The following ATRNL1 variants were observed in gnomAD, a reference collection of about 807,000 sequenced individuals.
ATRNL1 encodes attractin like 1, also known as attractin-like protein 1.
In ATRNL1, 95 loss-of-function variants were observed where a neutral mutation model predicts 182.7. That is an observed-to-expected ratio of 0.52 (90% CI 0.44 to 0.62). ATRNL1 has a LOEUF of 0.62. Among genes scored for constraint, ATRNL1 ranks in the 20% least tolerant of loss-of-function variants. The pLI is 0.00. For missense variants in ATRNL1, 1,471 were observed against 1,679.5 expected (o/e 0.88, Z 2.17); for synonymous variants, 576 against 568.3 (o/e 1.01, Z -0.19).
intron 18 of ATRNL1, among the ~76,000 whole-genome samples, chr10:115,329,360 A>G (rs547002028): frequency 3.3e-5 from 5 of 152,242 alleles, no homozygotes; most frequent in Non-Finnish European, 7.4e-5. Flanking sequence ...TGAATTCTGC[A>G]GCTTTTGGAT....
intron 28 of ATRNL1, among the ~76,000 whole-genome samples, chr10:115,916,355 T>C (rs2134543841): frequency 6.6e-6 from 1 of 152,396 alleles, no homozygotes; most frequent in Non-Finnish European, 1.5e-5. Context: ...CTCTGTCTGC[T>C]GTTCCACACA....
chr10:115,798,669 G>C (rs889065310), intron 27 of ATRNL1, among the ~76,000 whole-genome samples: 1 of 152,048 alleles, frequency 6.6e-6, no homozygotes, highest in African/African-American at 2.4e-5. Context: ...GAACTTGAGG[G>C]CTAACTTTTC....
intron 27 of ATRNL1, among the ~76,000 whole-genome samples, chr10:115,733,814 G>T (rs781879482): frequency 2.0e-5 from 3 of 152,006 alleles, no homozygotes; most frequent in Non-Finnish European, 2.9e-5. Context: ...TTCTGATTAT[G>T]TAAAGAATAC....
chr10:115,115,978 A>AT (rs1554869838), intron 1 of ATRNL1, among the ~76,000 whole-genome samples: 1 of 152,082 alleles, frequency 6.6e-6, no homozygotes, highest in African/African-American at 2.4e-5. Flanking sequence ...TTCAGCTAGA[A>AT]TGAGATATTG....
chr10:115,201,181 G>A (rs1337996104), intron 8 of ATRNL1, among the ~76,000 whole-genome samples: 1 of 148,746 alleles, frequency 6.7e-6, no homozygotes, highest in African/African-American at 2.5e-5. Context: ...TTTATAGGTT[G>A]CCTGTTCACT....
chr10:115,703,264 A>T (rs1387093299), intron 26 of ATRNL1, among the ~76,000 whole-genome samples: 1 of 152,086 alleles, frequency 6.6e-6, no homozygotes, highest in Non-Finnish European at 1.5e-5. Context: ...TTAATGCAAG[A>T]TGAATTAAAG....
chr10:115,386,040 G>A (rs1414870626), intron 19 of ATRNL1, among the ~76,000 whole-genome samples: 1 of 151,060 alleles, frequency 6.6e-6, no homozygotes, highest in East Asian at 1.9e-4. Context: ...TTTTCTTCAT[G>A]TTTTAAGATG....
At chr10:115,543,077 A>G (rs149127225) in intron 25 of ATRNL1, among the ~76,000 whole-genome samples, 1 of 152,320 alleles carries the variant, frequency 6.6e-6, no homozygotes, top group Non-Finnish European at 1.5e-5. Context: ...AGTTCATACC[A>G]GGGAGTGTAA....
chr10:115,830,703 A>ATTT (rs1950539952), intron 27 of ATRNL1, among the ~76,000 whole-genome samples: 1 of 152,188 alleles, frequency 6.6e-6, no homozygotes, highest in African/African-American at 2.4e-5. Context: ...ATGGAACCAC[A>ATTT]AGCATTTGGC....
chr10:115,680,891 T>G (rs1946024482), intron 26 of ATRNL1, among the ~76,000 whole-genome samples: 1 of 152,144 alleles, frequency 6.6e-6, no homozygotes, highest in Non-Finnish European at 1.5e-5. Flanking sequence ...GGGAGACACT[T>G]GGGACATTTA....
chr10:115,584,438 G>A (rs1478307718), intron 26 of ATRNL1, among the ~76,000 whole-genome samples: 1 of 141,604 alleles, frequency 7.1e-6, no homozygotes, highest in Non-Finnish European at 1.6e-5. Context: ...GGTGTTATTG[G>A]TCTATTCAGA....
intron 5 of ATRNL1, among the ~76,000 whole-genome samples, chr10:115,142,236 G>A (rs1845781914): frequency 6.6e-6 from 1 of 152,184 alleles, no homozygotes; most frequent in Non-Finnish European, 1.5e-5. Context: ...TTATGGAGAA[G>A]TTGACATGTG....
At chr10:115,156,735 C>T (rs1554882215) in intron 5 of ATRNL1, among the ~76,000 whole-genome samples, 2 of 151,958 alleles carry the variant, frequency 1.3e-5, no homozygotes, top group Non-Finnish European at 2.9e-5. Flanking sequence ...GATATACTAC[C>T]TTGAGAAATT....
intron 8 of ATRNL1, among the ~76,000 whole-genome samples, chr10:115,187,676 T>TGTTTTTTTTTTTTTC (rs1554889021): frequency 6.7e-6 from 1 of 149,188 alleles, no homozygotes; most frequent in African/African-American, 2.5e-5. Context: ...CTTGGTTTTT[T>TGTTTTTTTTTTTTTC]TTTTTTTTTT....
chr10:115,515,318 C>CT (rs56692263), intron 24 of ATRNL1, among the ~76,000 whole-genome samples: 24,858 of 120,144 alleles, frequency 0.21, 2,940 homozygotes, highest in South Asian at 0.27. Context: ...AATAGTTGTT[C>CT]TTTTTTTTTT....
chr10:115,232,713 G>A (rs190454009), intron 9 of ATRNL1, among the ~76,000 whole-genome samples: 63 of 152,062 alleles, frequency 4.1e-4, no homozygotes, highest in African/African-American at 1.4e-3. Flanking sequence ...GTATGTGTGT[G>A]TGCACAACCA....
intron 23 of ATRNL1, among the ~76,000 whole-genome samples, chr10:115,468,903 A>C (rs1349502461): frequency 6.6e-6 from 1 of 150,640 alleles, no homozygotes; most frequent in Non-Finnish European, 1.5e-5. Context: ...TACTTCTGGG[A>C]TATTATTGGT....
At chr10:115,899,624 T>A (rs1952301269) in intron 28 of ATRNL1, among the ~76,000 whole-genome samples, 1 of 152,162 alleles carries the variant, frequency 6.6e-6, no homozygotes, top group South Asian at 2.1e-4. Flanking sequence ...ATGAAATTTT[T>A]AAGTAAAATG....
chr10:115,350,195 G>T (rs1487764471), intron 19 of ATRNL1, among the ~76,000 whole-genome samples: 1 of 151,730 alleles, frequency 6.6e-6, no homozygotes, highest in Non-Finnish European at 1.5e-5. Context: ...AATTAGCTGG[G>T]TGTGGTGGTG....
Sources: allele counts gnomAD v4.1 joint callset (sites outside exome capture counted in the v4.1 genomes callset), GRCh38; gene constraint gnomAD v4.1.1; transcripts MANE v1.5; gene names NCBI Gene and HGNC (gene_info 2026-07-23, HGNC 2026-07-21).